Variants in DNAJC13 observed in about 807,000 individuals in gnomAD.
DNAJC13 encodes dnaJ homolog subfamily C member 13.
A neutral mutation model predicts 290.5 loss-of-function variants in DNAJC13; 75 were observed. The ratio of observed to expected loss-of-function variants is 0.26; its 90% CI spans 0.21 to 0.31. The LOEUF is 0.31. Ranked by LOEUF, DNAJC13 falls within the 10% of genes least tolerant of loss-of-function variation. DNAJC13 has a pLI of 1.00. For missense variants in DNAJC13, 2,260 were observed against 2,674.5 expected (o/e 0.85, Z 3.42); for synonymous variants, 862 against 892.0 (o/e 0.97, Z 0.60).
Position 132,475,057 on chromosome 3 carries a change from T to A in DNAJC13, c.2417T>A (p.Val806Glu). 1 of 1,609,348 alleles carries A rather than the reference T, an allele frequency of 6.2e-7. No individual in the cohort carries two copies. Among genetic ancestry groups the A allele is most frequent in the Non-Finnish European group, 8.5e-7 (1 of 1,177,772 alleles). The part of the protein sequence containing the change: ...NIDRELGSAN[V>E]ISWNHHEFEV... ...GACAGAGAACTTGGAAGTGCAAATG[T>A]GATCTCCTGGAACCACCATGAGTTT... The change falls in exon 22 of 56, where the codon GTG becomes GAG. Residue 806 changes from valine (V) to glutamate (E), a missense_variant. Transcript: ENST00000260818.
chr3:132,448,981 G>A (rs139534153), intron 5 of DNAJC13, among the ~76,000 whole-genome samples: 1 of 152,200 alleles, frequency 6.6e-6, no homozygotes, highest in Non-Finnish European at 1.5e-5. Context: ...AGCATACTTA[G>A]AATTTTTATA....
chr3:132,443,700 G>A (rs1933148425), intron 2 of DNAJC13, among the ~76,000 whole-genome samples: 1 of 152,138 alleles, frequency 6.6e-6, no homozygotes, highest in African/African-American at 2.4e-5. Flanking sequence ...ACTCTAAAAA[G>A]AGGAGCGGCA....
intron 1 of DNAJC13, among the ~76,000 whole-genome samples, chr3:132,425,107 C>T (rs1939056098): frequency 6.6e-6 from 1 of 152,014 alleles, no homozygotes; most frequent in South Asian, 2.1e-4. Flanking sequence ...GATTTTGAAT[C>T]CAGTTACAAA....
In DNAJC13 at chr3:132,441,788, C is replaced by T. The variant is rs141736847; in HGVS notation, c.69-4687C>T. Among the ~76,000 whole-genome samples, 144 of 152,192 alleles carry T rather than the reference C, an allele frequency of 9.5e-4. 1 individual carries two copies. The highest frequency in any genetic ancestry group is 3.2e-3 in the African/African-American group (133 of 41,518). ...GATTGATAGAAGCTAGTTAAATATT[C>T]GAGTCAGAAATTAACTTTGAGACAG... On this transcript the variant is annotated intron_variant, in intron 2 of 55. Coordinates refer to ENST00000260818, the MANE Select transcript of DNAJC13 (RefSeq NM_015268.4).
chr3:132,526,490 G>A (rs1453980788), intron 53 of DNAJC13, among the ~76,000 whole-genome samples: 3 of 152,040 alleles, frequency 2.0e-5, no homozygotes, highest in African/African-American at 7.2e-5. Flanking sequence ...ATATATACAT[G>A]GATGTTTGTG....
chr3:132,493,374 G>A (rs575552348), intron 33 of DNAJC13, among the ~76,000 whole-genome samples: 2 of 151,916 alleles, frequency 1.3e-5, no homozygotes, highest in South Asian at 4.2e-4. Context: ...TTACAATGCA[G>A]TGACCAAAAA....
At chr3:132,443,184 G>A (rs112839089) in intron 2 of DNAJC13, among the ~76,000 whole-genome samples, 2,674 of 151,906 alleles carry the variant, frequency 0.018, 26 homozygotes, top group South Asian at 0.047. Flanking sequence ...TTTTTGAGAC[G>A]GAGTCTCATC....
At chr3:132,472,313 C>G (rs1220086059) in intron 20 of DNAJC13, among the ~76,000 whole-genome samples, 1 of 152,222 alleles carries the variant, frequency 6.6e-6, no homozygotes, top group East Asian at 1.9e-4. Context: ...GAAATCTTCT[C>G]TTCCAGTTGC....
chr3:132,510,959 T>A (rs1935759380), intron 43 of DNAJC13, 108 bp from the exon 44 acceptor site: 2 of 1,232,858 alleles, frequency 1.6e-6, no homozygotes, highest in Admixed American at 4.2e-5. Flanking sequence ...TGTGTATGTA[T>A]AATTTAATCA....
At chr3:132,494,391 C>T in intron 34 of DNAJC13, 132 bp downstream of exon 34, 1 of 706,222 alleles carries the variant, frequency 1.4e-6, no homozygotes, top group Non-Finnish European at 2.4e-6. Flanking sequence ...TTGGGAATAA[C>T]CATATGGAAC....
chr3:132,453,398 T>C lies in DNAJC13; in HGVS notation c.638T>C (p.Leu213Ser). The change falls in exon 7 of 56, where the codon TTA (leucine) becomes TCA (serine). Residue 213 changes from leucine to serine, a missense_variant. Coordinates refer to ENST00000260818, the MANE Select transcript of DNAJC13 (RefSeq NM_015268.4). ...GISLRIRKEP[L>S]EFEQYLNLRF... ...TCATTGCGGATCAGGAAAGAGCCTT[T>C]AGAATTCGAGCAATATTTGAATCTT... 1 of 1,614,002 alleles carries C rather than the reference T, an allele frequency of 6.2e-7. No individual in the cohort carries two copies. The highest frequency in any genetic ancestry group is 8.5e-7 in the Non-Finnish European group (1 of 1,179,938).
At chr3:132,424,230 G>C (rs1478032485) in intron 1 of DNAJC13, among the ~76,000 whole-genome samples, 1 of 152,122 alleles carries the variant, frequency 6.6e-6, no homozygotes, top group Non-Finnish European at 1.5e-5. Flanking sequence ...AAAGGGAAGG[G>C]TCATAGTAAT....
At chr3:132,522,034 T>C (rs1400530638) in intron 48 of DNAJC13, among the ~76,000 whole-genome samples, 5 of 152,234 alleles carry the variant, frequency 3.3e-5, no homozygotes, top group African/African-American at 1.2e-4. Flanking sequence ...GGAGGTTTTA[T>C]GTTTCTTTCG....
At chr3:132,504,774 C>T (rs536320334) in intron 41 of DNAJC13, among the ~76,000 whole-genome samples, 1 of 152,282 alleles carries the variant, frequency 6.6e-6, no homozygotes, top group Non-Finnish European at 1.5e-5. Flanking sequence ...GATGCCTAAG[C>T]AGTCATAATC....
At chr3:132,530,840 C>T (rs989460479) in intron 54 of DNAJC13, among the ~76,000 whole-genome samples, 158 bp from the exon 55 acceptor site, 3 of 152,218 alleles carry the variant, frequency 2.0e-5, no homozygotes, top group African/African-American at 7.2e-5. Flanking sequence ...TGGCATAGTG[C>T]CTGCTATGGA....
chr3:132,484,780 C>T lies in DNAJC13; in HGVS notation c.3267+108C>T, dbSNP rs575856619. The T allele has an allele frequency of 3.3e-5, 34 of 1,025,982 alleles. No individual in the cohort carries two copies. The East Asian group carries it at 6.5e-4, about 20-fold the overall frequency. The allele number at this position is 1,025,982 out of a possible 1,614,324, so 63.6% of individuals were successfully genotyped here. Reference sequence around the variant, plus strand: ...GCAGTCTATTCCATTTTCAAAAAGCCTAAATAGGCCAGGTGTGGAGTCTCA... The same window carrying T: ...GCAGTCTATTCCATTTTCAAAAAGCTTAAATAGGCCAGGTGTGGAGTCTCA... On this transcript the variant is annotated intron_variant, in intron 29 of 55. Transcript: ENST00000260818.
At position 132,480,466 on chromosome 3, in the gene DNAJC13, T is replaced by G; in HGVS notation, c.2870T>G (p.Leu957Arg). The G allele has an allele frequency of 6.2e-7, 1 of 1,603,906 alleles. No homozygotes were observed. The highest frequency in any genetic ancestry group is 8.5e-7 in the Non-Finnish European group (1 of 1,172,422). ...CATGTAAGCCGAGCTACAGTACCAC[T>G]GCAAGTACGTATCCTTGTTTACGTT... ...HLHVSRATVP[L>R]QSNVIEAAPD... The change falls in exon 26 of 56, where the codon CTG becomes CGG. Residue 957 changes from leucine to arginine, a missense_variant. This residue lies in a region of DNAJC13 where 1,494 missense variants were observed against 1,693.7 expected (regional missense o/e 0.88). Transcript: ENST00000260818.
chr3:132,484,316 C>G (rs1382660911), intron 28 of DNAJC13: 2 of 498,000 alleles, frequency 4.0e-6, no homozygotes, highest in South Asian at 3.5e-5. Context: ...TGAACAACAC[C>G]AAGTTTAATC....
chr3:132,497,986 A>G (rs55634247), intron 36 of DNAJC13, among the ~76,000 whole-genome samples: 7,721 of 152,232 alleles, frequency 0.051, 383 homozygotes, highest in African/African-American at 0.13. Flanking sequence ...GCTGATTTCA[A>G]TTGGAATTAT....
Sources: gnomAD v4.1 joint callset for allele counts (sites outside exome capture counted in the v4.1 genomes callset) on GRCh38, gnomAD v4.1.1 for gene constraint, gnomAD v4.1.1 regional missense constraint, MANE v1.5 for transcripts, NCBI Gene and HGNC (gene_info 2026-07-23, HGNC 2026-07-21) for gene names.